FBXL17: variants seen among roughly 807,000 people sequenced by gnomAD.
The protein encoded by FBXL17 is F-box/LRR-repeat protein 17.
Under a neutral mutation model 66.2 loss-of-function variants are expected in FBXL17, and 22 were observed. That is an observed-to-expected ratio of 0.33 (90% CI 0.24 to 0.47). The LOEUF is 0.47. FBXL17 is among the 20% of genes least tolerant of loss of function. The probability of loss-of-function intolerance (pLI) is 1.00; values close to 1 mark genes in which losing one functional copy is unlikely to be tolerated. For synonymous variants in FBXL17, 474 were observed against 400.5 expected (o/e 1.18, Z -2.19); for missense variants, 878 against 948.2 (o/e 0.93, Z 0.97).
chr5:107,953,033 A>C (rs1751546832), intron 7 of FBXL17, among the ~76,000 whole-genome samples: 1 of 152,194 alleles, frequency 6.6e-6, no homozygotes, highest in South Asian at 2.1e-4. Context: ...TTGAGTGGAG[A>C]ACTCTGAAAT....
chr5:107,946,256 TATATATA>T lies in FBXL17; in HGVS notation c.1823-65084_1823-65078del, dbSNP rs1404968872. ...ATTATTACTTTTATCAATCTCATTTTATATATATATATATATATATATATATATATAT... is the reference window on the plus strand; with the variant it reads ...ATTATTACTTTTATCAATCTCATTTTTATATATATATATATATATATATAT... On this transcript the variant is annotated intron_variant, in intron 7 of 8. Coordinates refer to ENST00000542267, the MANE Select transcript of FBXL17 (RefSeq NM_001163315.3). Among the ~76,000 whole-genome samples the T allele has an allele frequency of 4.3e-4, 7 of 16,468 alleles. 1 individual carries two copies. The highest frequency in any genetic ancestry group is 2.5e-3 in the South Asian group (1 of 400). 10.8% of individuals were successfully genotyped at this position (16,468 alleles called of 152,430 possible). A position where few individuals can be genotyped will look rare whatever the true frequency, so the allele number is the denominator to read the frequency against.
intron 3 of FBXL17, among the ~76,000 whole-genome samples, chr5:108,349,865 TTA>T (rs1340996080): frequency 6.6e-6 from 1 of 152,192 alleles, no homozygotes; most frequent in African/African-American, 2.4e-5. Context: ...TGTTCATTTT[TTA>T]TGTTATCCTC....
intron 6 of FBXL17, among the ~76,000 whole-genome samples, chr5:108,036,735 C>T (rs888021792): frequency 6.6e-6 from 1 of 152,094 alleles, no homozygotes; most frequent in Non-Finnish European, 1.5e-5. Flanking sequence ...GCAGGACTCA[C>T]GCTTATCTTA....
chr5:108,327,264 A>G (rs1253166533), intron 4 of FBXL17, among the ~76,000 whole-genome samples: 1 of 152,246 alleles, frequency 6.6e-6, no homozygotes, highest in Non-Finnish European at 1.5e-5. Context: ...CTAAGCCAAA[A>G]GTCAAAAAGA....
intron 7 of FBXL17, among the ~76,000 whole-genome samples, chr5:107,979,125 A>G (rs572727982): frequency 2.3e-4 from 35 of 152,366 alleles, no homozygotes; most frequent in Admixed American, 9.1e-4. Context: ...TAAGAGCTCT[A>G]TAAACTTTAT....
chr5:107,941,642 A>AGACTT (rs1751104526), intron 7 of FBXL17, among the ~76,000 whole-genome samples: 1 of 152,186 alleles, frequency 6.6e-6, no homozygotes, highest in Non-Finnish European at 1.5e-5. Context: ...CATTAACACA[A>AGACTT]GACTTGGTGA....
Position 108,381,446 on chromosome 5 carries a change from G to T in FBXL17, c.246C>A (p.Leu82=). The stretch of plus-strand genomic sequence containing the variant: ...AGGCCCCGTCCCGCGGCGGCGGCGA[G>T]AGCGGCGGCTCCTCCTCTGGGCCGG... ...APAGPEEEPP[L]SPPPRDGAYA... The change falls in exon 1 of 9, where the codon CTC becomes CTA. Residue 82 remains leucine (L), a synonymous_variant. Coordinates refer to ENST00000542267, the MANE Select transcript of FBXL17 (RefSeq NM_001163315.3). 1 of 1,315,972 alleles carries T rather than the reference G, an allele frequency of 7.6e-7. No homozygotes were observed. Among genetic ancestry groups the T allele is most frequent in the Non-Finnish European group, 9.6e-7 (1 of 1,040,288 alleles). 81.5% of individuals were successfully genotyped at this position (1,315,972 alleles called of 1,614,324 possible).
At chr5:107,963,867 T>C (rs1196272218) in intron 7 of FBXL17, among the ~76,000 whole-genome samples, 1 of 152,130 alleles carries the variant, frequency 6.6e-6, no homozygotes, top group East Asian at 1.9e-4. Context: ...AAACAGAAAC[T>C]AAAAATTGTA....
At chr5:108,087,509 C>A (rs545844143) in intron 6 of FBXL17, among the ~76,000 whole-genome samples, 38 of 151,980 alleles carry the variant, frequency 2.5e-4, no homozygotes, top group Non-Finnish European at 5.0e-4. Flanking sequence ...ATCTTTGTGA[C>A]CGCATCAAAG....
At chr5:108,129,959 A>G (rs537090344) in intron 6 of FBXL17, among the ~76,000 whole-genome samples, 1 of 151,986 alleles carries the variant, frequency 6.6e-6, no homozygotes, top group South Asian at 2.1e-4. Flanking sequence ...GTGATAATCA[A>G]TACAAGTTCC....
At chr5:108,263,301 T>C (rs913782267) in intron 4 of FBXL17, among the ~76,000 whole-genome samples, 2 of 152,074 alleles carry the variant, frequency 1.3e-5, no homozygotes, top group African/African-American at 4.8e-5. Context: ...TAAAATAAAA[T>C]TTGTAACGAC....
intron 7 of FBXL17, among the ~76,000 whole-genome samples, chr5:107,933,780 T>C (rs552874317): frequency 8.5e-4 from 129 of 152,294 alleles, no homozygotes; most frequent in African/African-American, 2.9e-3. Flanking sequence ...TTCTAGGATA[T>C]ATCTCCCTAA....
chr5:108,151,924 C>T (rs987158255), intron 6 of FBXL17, among the ~76,000 whole-genome samples: 3 of 152,170 alleles, frequency 2.0e-5, no homozygotes, highest in African/African-American at 4.8e-5. Context: ...CCTTCTTCCA[C>T]AGGAAAGCCT....
At chr5:107,880,923 T>C in intron 8 of FBXL17, 114 bp downstream of exon 8, 1 of 1,510,360 alleles carries the variant, frequency 6.6e-7, no homozygotes, top group Middle Eastern at 2.0e-4. Context: ...ATATAAAATG[T>C]ATATATAATA....
Position 108,288,471 on chromosome 5 carries a change from TA to T in FBXL17, c.1506+59927del, listed in dbSNP as rs201926321. Among the ~76,000 whole-genome samples, 81 of 151,524 alleles carry T rather than the reference TA, an allele frequency of 5.3e-4. No individual in the cohort carries two copies. The East Asian group carries it at 0.016, about 29-fold the overall frequency. ...AGAAGCATAATAAAGCAAAGCACAA[TA>T]AAATGAGGTATGCTTGTAAACAACC... On this transcript the variant is annotated intron_variant, in intron 4 of 8. Coordinates refer to ENST00000542267, the MANE Select transcript of FBXL17 (RefSeq NM_001163315.3).
At chr5:108,334,010 TAG>T (rs1048194558) in intron 4 of FBXL17, among the ~76,000 whole-genome samples, 1 of 152,200 alleles carries the variant, frequency 6.6e-6, no homozygotes, top group Non-Finnish European at 1.5e-5. Flanking sequence ...TTGAGAAATG[TAG>T]AGTTTGATGA....
intron 4 of FBXL17, among the ~76,000 whole-genome samples, chr5:108,328,097 G>A (rs1219634348): frequency 6.6e-6 from 1 of 152,088 alleles, no homozygotes; most frequent in Admixed American, 6.6e-5. Context: ...ACTTGATGAG[G>A]ATAAACACCA....
At chr5:108,034,465 T>C (rs1284843370) in intron 6 of FBXL17, among the ~76,000 whole-genome samples, 1 of 152,104 alleles carries the variant, frequency 6.6e-6, no homozygotes, top group African/African-American at 2.4e-5. Context: ...CAGCAAATAG[T>C]AAAGCTAGAT....
At chr5:108,113,005 C>T (rs930087128) in intron 6 of FBXL17, among the ~76,000 whole-genome samples, 1 of 152,098 alleles carries the variant, frequency 6.6e-6, no homozygotes, top group Non-Finnish European at 1.5e-5. Flanking sequence ...TCTATTCTAC[C>T]TCCATTTACA....
Sources: allele counts gnomAD v4.1 joint callset (sites outside exome capture counted in the v4.1 genomes callset), GRCh38; gene constraint gnomAD v4.1.1; transcripts MANE v1.5; gene names NCBI Gene and HGNC (gene_info 2026-07-23, HGNC 2026-07-21).